PWWP3A: variants seen among roughly 807,000 people sequenced by gnomAD.
The protein encoded by PWWP3A is PWWP domain-containing DNA repair factor 3A.
Under a neutral mutation model 79.0 loss-of-function variants are expected in PWWP3A, and 53 were observed. The observed-to-expected ratio is 0.67, with a 90% CI of 0.54 to 0.84. The LOEUF (loss-of-function observed/expected upper bound fraction) is 0.84, where lower values mean the gene tolerates loss of function less well. Ranked by LOEUF, PWWP3A falls within the 40% of genes least tolerant of loss-of-function variation. PWWP3A has a pLI of 0.00. For missense variants in PWWP3A, 973 were observed against 948.0 expected (o/e 1.03, Z -0.35); for synonymous variants, 443 against 394.4 (o/e 1.12, Z -1.46).
In PWWP3A at chr19:1,369,437, G is replaced by A; in HGVS notation, c.1498+97G>A. 2 of 1,503,164 alleles carry A rather than the reference G, an allele frequency of 1.3e-6. No homozygotes were observed. Among genetic ancestry groups the A allele is most frequent in the Non-Finnish European group, 1.8e-6 (2 of 1,083,122 alleles). The allele number at this position is 1,503,164 out of a possible 1,614,324, so 93.1% of individuals were successfully genotyped here. A position where few individuals can be genotyped will look rare whatever the true frequency, so the allele number is the denominator to read the frequency against. ...TGGGCCGGAGCTGCCTGGAGGCGGG[G>A]CATATTTCCGTGGGCCTGGGGCATT... On this transcript the variant is annotated intron_variant, in intron 10 of 13. Coordinates refer to ENST00000591337, the MANE Select transcript of PWWP3A (RefSeq NM_001369789.1). The surrounding 1 kb of genome is among the most constrained non-coding windows in gnomAD (Gnocchi z 4.0).
Position 1,367,150 on chromosome 19 carries a change from C to G in PWWP3A, c.1362-10C>G, listed in dbSNP as rs1269467226. 2 of 1,609,520 alleles carry G rather than the reference C, an allele frequency of 1.2e-6. No individual in the cohort carries two copies. The highest frequency in any genetic ancestry group is 1.7e-6 in the Non-Finnish European group (2 of 1,177,364). On this transcript the variant is annotated splice_polypyrimidine_tract_variant and intron_variant, in intron 8 of 13. Transcript: ENST00000591337. ...CATTCATGTTAACTTTTCCCTCTCT[C>G]TGCTTCAAGTTTCACAGTGTCTCTT...
intron 1 of PWWP3A, among the ~76,000 whole-genome samples, 195 bp downstream of exon 1, chr19:1,355,330 C>CT (rs2081824657): frequency 6.6e-6 from 1 of 152,022 alleles, no homozygotes; most frequent in Admixed American, 6.5e-5. Context: ...GCCTGGACTC[C>CT]TTTTCCCGTC....
In PWWP3A at chr19:1,377,898, C is replaced by G. The variant is rs377361767; in HGVS notation, c.*1322C>G. The G allele has an allele frequency of 6.6e-6, 1 of 152,258 alleles. No individual in the cohort carries two copies. The highest frequency in any genetic ancestry group is 2.4e-5 in the African/African-American group (1 of 41,464). 9.4% of individuals were successfully genotyped at this position (152,258 alleles called of 1,614,324 possible). A position where few individuals can be genotyped will look rare whatever the true frequency, so the allele number is the denominator to read the frequency against. On this transcript the variant is annotated 3_prime_UTR_variant, in exon 14 of 14. Coordinates refer to ENST00000591337, the MANE Select transcript of PWWP3A (RefSeq NM_001369789.1). Reference sequence around the variant, plus strand: ...GAACACGATTGTCTCAGATGCAGGGCGCTGTGCGGGACGAAGCCGCAAGGA... The same window carrying G: ...GAACACGATTGTCTCAGATGCAGGGGGCTGTGCGGGACGAAGCCGCAAGGA...
In PWWP3A at chr19:1,369,104, A is replaced by G; in HGVS notation, c.1423-161A>G. 1 of 634,430 alleles carries G rather than the reference A, an allele frequency of 1.6e-6. No individual in the cohort carries two copies. The highest frequency in any genetic ancestry group is 2.5e-5 in the Admixed American group (1 of 39,992). The allele number at this position is 634,430 out of a possible 1,614,324, so 39.3% of individuals were successfully genotyped here. The stretch of plus-strand genomic sequence containing the variant: ...CCATTTACCAGAGGGTCCCTGTGCG[A>G]GGCGTCTGCCAGAGCCCCCTTTGTC... On this transcript the variant is annotated intron_variant, in intron 9 of 13. Transcript: ENST00000591337. This position sits in a 1 kb window ranked among gnomAD's most constrained non-coding sequence, Gnocchi z 4.0.
At chr19:1,362,616 C>G (rs1292027640) in intron 6 of PWWP3A, among the ~76,000 whole-genome samples, 1 of 152,262 alleles carries the variant, frequency 6.6e-6, no homozygotes, top group Non-Finnish European at 1.5e-5. Flanking sequence ...CTGTCACTTA[C>G]CTCAAGCCCT....
intron 7 of PWWP3A, 40 bp from the exon 8 acceptor site, chr19:1,366,265 C>G: frequency 6.3e-7 from 1 of 1,595,464 alleles, no homozygotes; most frequent in Non-Finnish European, 8.6e-7. Flanking sequence ...TCCACGATCT[C>G]TTTTGTTTTG....
intron 13 of PWWP3A, among the ~76,000 whole-genome samples, chr19:1,375,478 ATATT>A (rs1167792756): frequency 1.2e-3 from 158 of 133,658 alleles, no homozygotes; most frequent in African/African-American, 4.2e-3. Flanking sequence ...TAAAATTTAT[ATATT>A]ATATAAAATA....
intron 13 of PWWP3A, among the ~76,000 whole-genome samples, chr19:1,375,537 T>TATATATAAAATATAATATATAAAATATA (rs1162661703): frequency 2.3e-4 from 22 of 96,176 alleles, no homozygotes; most frequent in African/African-American, 9.2e-4. Context: ...ATTTATATAT[T>TATATATAAAATATAATATATAAAATATA]TTATATATAA....
intron 5 of PWWP3A, 77 bp from the exon 6 acceptor site, chr19:1,362,173 G>T: frequency 8.0e-7 from 1 of 1,244,700 alleles, no homozygotes; most frequent in Non-Finnish European, 1.1e-6. Context: ...ATGGTCATGT[G>T]TCATGAAATG....
In PWWP3A at chr19:1,360,628, A is replaced by ATCTG; in HGVS notation, c.707_708insTCTG (p.Glu236AspfsTer35). On this transcript the variant is annotated frameshift_variant, in exon 5 of 14. Transcript: ENST00000591337. LOFTEE classifies it high-confidence loss of function. This position sits in a 1 kb window ranked among gnomAD's most constrained non-coding sequence, Gnocchi z 4.4. ...TGCCTGAATGGATCTTCCCTTTCAG[A>ATCTG]GGACGACACGGAGAGAGACATGGGG... 6.2e-7 allele frequency: 1 copy of ATCTG among 1,613,858 alleles called. No homozygotes were observed. Among genetic ancestry groups the ATCTG allele is most frequent in the Non-Finnish European group, 8.5e-7 (1 of 1,179,784 alleles).
chr19:1,360,747 C>T lies in PWWP3A; in HGVS notation c.826C>T (p.Pro276Ser), dbSNP rs748042762. Residue 276 changes from proline (P) to serine (S), a missense_variant, in exon 5 of 14, where the codon CCG (proline) becomes TCG (serine). Transcript: ENST00000591337. The surrounding 1 kb of genome is among the most constrained non-coding windows in gnomAD (Gnocchi z 4.4). ...ANAEGHDPGL[P>S]LGSLTAPPAP... ...CGCTGAGGGACACGACCCCGGTCTG[C>T]CGTTGGGCAGCCTCACTGCGCCCCC... The T allele has an allele frequency of 5.6e-6, 9 of 1,612,198 alleles. No homozygotes were observed. The highest frequency in any genetic ancestry group is 1.7e-6 in the Non-Finnish European group (2 of 1,179,484).
At chr19:1,362,720 G>A (rs987319602) in intron 6 of PWWP3A, among the ~76,000 whole-genome samples, 3 of 152,222 alleles carry the variant, frequency 2.0e-5, no homozygotes, top group Admixed American at 6.5e-5. Flanking sequence ...ACTGTCTCGC[G>A]GCTTCCGTTG....
In PWWP3A at chr19:1,366,386, C is replaced by T. The variant is rs941709137; in HGVS notation, c.1361+5C>T. 5.6e-6 allele frequency: 9 copies of T among 1,613,896 alleles called. No homozygotes were observed. In the East Asian group the frequency reaches 6.7e-5, roughly 12 times the overall value. ...CATGAACCCGAAAATGAAAGGGTAA[C>T]CCGCTGTTCTTGGTTTCTGTGAATG... On this transcript the variant is annotated splice_donor_5th_base_variant and intron_variant, in intron 8 of 13. Transcript: ENST00000591337.
intron 13 of PWWP3A, chr19:1,374,475 C>T (rs1600130650): frequency 6.6e-6 from 1 of 152,260 alleles, no homozygotes; most frequent in East Asian, 1.9e-4. Context: ...CCCAGGCCCT[C>T]TTGTTCTTTT....
intron 13 of PWWP3A, among the ~76,000 whole-genome samples, chr19:1,375,411 A>G (rs192812677): frequency 8.8e-6 from 1 of 113,558 alleles, no homozygotes; most frequent in Non-Finnish European, 1.8e-5. Flanking sequence ...TATATAATAT[A>G]TATTATATAT....
intron 7 of PWWP3A, among the ~76,000 whole-genome samples, 195 bp from the exon 8 acceptor site, chr19:1,366,109 TG>T (rs879349961): frequency 6.6e-6 from 1 of 152,238 alleles, no homozygotes; most frequent in Non-Finnish European, 1.5e-5. Flanking sequence ...TCCGCTCAGA[TG>T]GGAAAACGTT....
intron 11 of PWWP3A, 34 bp from the exon 12 acceptor site, chr19:1,370,608 C>T (rs552377610): frequency 1.6e-5 from 23 of 1,440,018 alleles, no homozygotes; most frequent in African/African-American, 1.0e-4. Flanking sequence ...AGGCAGCCCA[C>T]GCGCTGGTCC....
At position 1,366,352 on chromosome 19, in the gene PWWP3A, C is replaced by G; in HGVS notation, c.1332C>G (p.Ile444Met). 1.9e-6 allele frequency: 3 copies of G among 1,614,198 alleles called. No individual in the cohort carries two copies. The highest frequency in any genetic ancestry group is 8.5e-7 in the Non-Finnish European group (1 of 1,180,014). The change falls in exon 8 of 14, where the codon ATC becomes ATG. Residue 444 changes from isoleucine (I) to methionine (M), a missense_variant. Transcript: ENST00000591337. ...ATAAGAAAGCAAGTGTGCTATACAT[C>G]GAAGGACACATGAACCCGAAAATGA... ...QRDKKASVLY[I>M]EGHMNPKMKG...
In PWWP3A at chr19:1,362,419, G is replaced by A. The variant is rs537772109; in HGVS notation, c.1213+68G>A. ...TCAGAGGCAGCGGCGGCGGGGCTCC[G>A]AGACCGGGCCCCACATTCTCCATGA... On this transcript the variant is annotated intron_variant, in intron 6 of 13. Coordinates refer to ENST00000591337, the MANE Select transcript of PWWP3A (RefSeq NM_001369789.1). 41 of 1,252,798 alleles carry A rather than the reference G, an allele frequency of 3.3e-5. No homozygotes were observed. The East Asian group carries it at 3.6e-4, about 11-fold the overall frequency. 77.6% of individuals were successfully genotyped at this position (1,252,798 alleles called of 1,614,324 possible).
Sources: gnomAD v4.1 joint callset for allele counts (sites outside exome capture counted in the v4.1 genomes callset) on GRCh38, gnomAD v4.1.1 for gene constraint, Gnocchi (gnomAD v3.1) non-coding constraint, MANE v1.5 for transcripts, NCBI Gene and HGNC (gene_info 2026-07-23, HGNC 2026-07-21) for gene names.